DIPK2A: variants seen among roughly 807,000 people sequenced by gnomAD.
The protein encoded by DIPK2A is Golgi Protein of 49 kDa.
In DIPK2A, 27 loss-of-function variants were observed where a neutral mutation model predicts 39.0. The ratio of observed to expected loss-of-function variants is 0.69; its 90% CI spans 0.51 to 0.96. The LOEUF is 0.96. Ranked by LOEUF, DIPK2A falls within the 40% of genes least tolerant of loss-of-function variation. DIPK2A has a pLI of 0.00. For missense variants in DIPK2A, 528 were observed against 571.3 expected (o/e 0.92, Z 0.77); for synonymous variants, 298 against 240.8 (o/e 1.24, Z -2.20).
intron 1 of DIPK2A, among the ~76,000 whole-genome samples, chr3:143,982,073 TG>T (rs1285819946): frequency 6.6e-6 from 1 of 152,252 alleles, no homozygotes; most frequent in Non-Finnish European, 1.5e-5. Flanking sequence ...ACTGTGTTTT[TG>T]TGTGTACACG....
chr3:143,972,536 C>T lies in DIPK2A; in HGVS notation c.204C>T (p.Leu68=), dbSNP rs372733139. 2.5e-6 allele frequency: 4 copies of T among 1,611,978 alleles called. No homozygotes were observed. Among genetic ancestry groups the T allele is most frequent in the Non-Finnish European group, 3.4e-6 (4 of 1,179,574 alleles). ...GCACGAGCTGGTGCCGCCGCTTCCTCAACGGGCAGGTGGTATTCGAGGCGT... is the reference window on the plus strand; with the variant it reads ...GCACGAGCTGGTGCCGCCGCTTCCTTAACGGGCAGGTGGTATTCGAGGCGT... ...CFGTSWCRRF[L]NGQVVFEAWG... is the part of the protein sequence containing the mutation. Residue 68 remains leucine (L), a synonymous_variant, in exon 1 of 3, where the codon CTC becomes CTT. Transcript: ENST00000315691.
At chr3:143,986,706 C>CAG (rs2087906218) in intron 2 of DIPK2A, among the ~76,000 whole-genome samples, 1 of 130,970 alleles carries the variant, frequency 7.6e-6, no homozygotes, top group Non-Finnish European at 1.5e-5. Context: ...GCCTGGGCAA[C>CAG]AGCGAGACTC....
Position 143,989,556 on chromosome 3 carries a change from CTG to C in DIPK2A, c.1011_1012del (p.Cys337Ter). 2 of 1,614,122 alleles carry C rather than the reference CTG, an allele frequency of 1.2e-6. No individual in the cohort carries two copies. The highest frequency in any genetic ancestry group is 8.5e-7 in the Non-Finnish European group (1 of 1,179,984). On this transcript the variant is annotated frameshift_variant, in exon 3 of 3. Transcript: ENST00000315691. LOFTEE classifies it high-confidence loss of function. ...DVWYESKFDD[C>X]DKEACLSFSK... ...TATGGTATGAAAGCAAGTTTGATGACTGTGATAAGGAGGCTTGCTTATCATTT... is the reference window on the plus strand; with the variant it reads ...TATGGTATGAAAGCAAGTTTGATGACTGATAAGGAGGCTTGCTTATCATTT...
At chr3:143,971,820 C>T (rs1010345521), upstream of DIPK2A, 2 of 152,422 alleles carry the variant, frequency 1.3e-5, no homozygotes, top group Non-Finnish European at 2.9e-5. Context: ...AGAGCCAGCG[C>T]GCACAAGCAA....
At chr3:143,982,620 A>AAAC (rs2087842158) in intron 1 of DIPK2A, among the ~76,000 whole-genome samples, 1 of 152,188 alleles carries the variant, frequency 6.6e-6, no homozygotes, top group South Asian at 2.1e-4. Context: ...GGAAAGGAAA[A>AAAC]AACAGTACAA....
chr3:143,989,522 A>G lies in DIPK2A; in HGVS notation c.974A>G (p.Asn325Ser), dbSNP rs769629183. 5.0e-6 allele frequency: 8 copies of G among 1,600,308 alleles called. No individual in the cohort carries two copies. The South Asian group carries it at 8.9e-5, about 18-fold the overall frequency. ...KRLIRQNKPE[N>S]WDVWYESKFD... ...CCTCCTTTCACAGATAAACCTGAAA[A>G]TTGGGATGTATGGTATGAAAGCAAG... Residue 325 changes from asparagine to serine, a missense_variant, in exon 3 of 3, where the codon AAT (asparagine) becomes AGT (serine). Transcript: ENST00000315691.
intron 1 of DIPK2A, among the ~76,000 whole-genome samples, chr3:143,981,918 T>C (rs1033827539): frequency 4.6e-5 from 7 of 152,232 alleles, no homozygotes; most frequent in Non-Finnish European, 1.0e-4. Flanking sequence ...ACAATTGAGG[T>C]ACAGTTAAAC....
Position 143,972,569 on chromosome 3 carries a change from C to T in DIPK2A, c.237C>T (p.Arg79=), listed in dbSNP as rs2087668509. ...AGGTGGTATTCGAGGCGTGGGGCCGCTTGCGCCTGCTGGACTTCCTCAACG... is the reference window on the plus strand; with the variant it reads ...AGGTGGTATTCGAGGCGTGGGGCCGTTTGCGCCTGCTGGACTTCCTCAACG... ...NGQVVFEAWG[R]LRLLDFLNVK... Residue 79 remains arginine (R), a synonymous_variant, in exon 1 of 3, where the codon CGC becomes CGT. Transcript: ENST00000315691. 3.7e-6 allele frequency: 6 copies of T among 1,612,278 alleles called. No homozygotes were observed. Among genetic ancestry groups the T allele is most frequent in the Non-Finnish European group, 5.1e-6 (6 of 1,179,708 alleles).
chr3:143,973,592 G>C, intron 1 of DIPK2A: 1 of 1,498,878 alleles, frequency 6.7e-7, no homozygotes, highest in Non-Finnish European at 9.1e-7. Context: ...CGAGCTTTGG[G>C]TGGGATTAGA....
intron 1 of DIPK2A, among the ~76,000 whole-genome samples, chr3:143,975,541 T>C (rs932959055): frequency 6.6e-6 from 1 of 152,118 alleles, no homozygotes; most frequent in Non-Finnish European, 1.5e-5. Context: ...AGTCAAACCA[T>C]GATGTTCATT....
chr3:143,973,249 A>G (rs2087684288), intron 1 of DIPK2A: 2 of 1,183,262 alleles, frequency 1.7e-6, no homozygotes, highest in Non-Finnish European at 2.4e-6. Context: ...TTTCAACGCC[A>G]GAGGGAGTGC....
chr3:143,985,751 G>A lies in DIPK2A; in HGVS notation c.866G>A (p.Ser289Asn), dbSNP rs2087889802. 2 of 1,614,178 alleles carry A rather than the reference G, an allele frequency of 1.2e-6. No individual in the cohort carries two copies. Among genetic ancestry groups the A allele is most frequent in the Non-Finnish European group, 1.7e-6 (2 of 1,180,016 alleles). The change falls in exon 2 of 3, where the codon AGC (serine) becomes AAC (asparagine). Residue 289 changes from serine to asparagine, a missense_variant. Around this residue, in one of 2 missense-constraint regions of DIPK2A, gnomAD observed 219 missense variants for 281.5 expected, o/e 0.78. Transcript: ENST00000315691. ...TTTGCACTCTACCTCCTGGACGTCAGCTTTGACAATTTTGCAGTTGGTCCT... is the reference window on the plus strand; with the variant it reads ...TTTGCACTCTACCTCCTGGACGTCAACTTTGACAATTTTGCAGTTGGTCCT... ...FEFALYLLDV[S>N]FDNFAVGPRD...
In DIPK2A at chr3:143,989,649, C is replaced by G. The variant is rs777531117; in HGVS notation, c.1101C>G (p.Leu367=). 6.2e-7 allele frequency: 1 copy of G among 1,614,200 alleles called. No individual in the cohort carries two copies. The highest frequency in any genetic ancestry group is 1.1e-5 in the South Asian group (1 of 91,080). Residue 367 remains leucine, a synonymous_variant, in exon 3 of 3, where the codon CTC becomes CTG. Transcript: ENST00000315691. ...DHNYYAVCQN[L]LSRHATWRGT... ...ATTACTATGCTGTTTGTCAGAACCT[C>G]TTATCCAGACATGCCACCTGGCGTG... is the stretch of plus-strand genomic sequence containing the variant.
intron 1 of DIPK2A, among the ~76,000 whole-genome samples, chr3:143,977,110 T>C (rs28475588): frequency 0.06 from 9,158 of 152,122 alleles, 950 homozygotes; most frequent in African/African-American, 0.21. Flanking sequence ...CCTTTAAAAG[T>C]AATTTATATA....
intron 1 of DIPK2A, 66 bp from the exon 2 acceptor site, chr3:143,985,477 A>G: frequency 7.4e-7 from 1 of 1,347,108 alleles, no homozygotes; most frequent in Admixed American, 1.9e-5. Context: ...TACTGAAAGG[A>G]TCTGAGGATA....
At position 143,973,057 on chromosome 3, in the gene DIPK2A, G is replaced by A. The variant is rs2087681500; in HGVS notation, c.657+68G>A. 6.0e-6 allele frequency: 9 copies of A among 1,506,904 alleles called. No homozygotes were observed. In the South Asian group the frequency reaches 9.8e-5, roughly 16 times the overall value. The allele number at this position is 1,506,904 out of a possible 1,614,324, so 93.3% of individuals were successfully genotyped here. On this transcript the variant is annotated intron_variant, in intron 1 of 2. Transcript: ENST00000315691. ...CGCGTGGGAATCAGAGTCGGGAGAAGTGGCTCAGCCAGCGCTTGCCGCCAG... is the reference window on the plus strand; with the variant it reads ...CGCGTGGGAATCAGAGTCGGGAGAAATGGCTCAGCCAGCGCTTGCCGCCAG...
Position 143,972,274 on chromosome 3 carries a change from G to C in DIPK2A, c.-59G>C, listed in dbSNP as rs1576803459. The C allele has an allele frequency of 1.5e-6, 2 of 1,333,232 alleles. No homozygotes were observed. The highest frequency in any genetic ancestry group is 7.7e-5 in the Admixed American group (2 of 26,114). 82.6% of individuals were successfully genotyped at this position (1,333,232 alleles called of 1,614,324 possible). ...TCCTGCCGGTAGCTCTCCGGGTCTT[G>C]GCGCGGCGGGGGCGCCCCGGGGGTG... On this transcript the variant is annotated 5_prime_UTR_variant, in exon 1 of 3. Transcript: ENST00000315691.
At chr3:143,985,048 A>G (rs16854772) in intron 1 of DIPK2A, among the ~76,000 whole-genome samples, 41,196 of 152,132 alleles carry the variant, frequency 0.27, 6,109 homozygotes, top group Non-Finnish European at 0.33. Context: ...TGGTGACTGC[A>G]TGCTCTTCTA....
chr3:143,985,876 C>A, intron 2 of DIPK2A, 30 bp downstream of exon 2: 1 of 1,528,644 alleles, frequency 6.5e-7, no homozygotes, highest in Non-Finnish European at 8.9e-7. Context: ...TTTTTTTCTA[C>A]TCATTTTTTC....
Sources: allele counts gnomAD v4.1 joint callset (sites outside exome capture counted in the v4.1 genomes callset), GRCh38; gene constraint gnomAD v4.1.1; regional missense constraint gnomAD v4.1.1; transcripts MANE v1.5; gene names NCBI Gene and HGNC (gene_info 2026-07-23, HGNC 2026-07-21).